Variants in ARHGAP22 observed in about 807,000 individuals in gnomAD.
ARHGAP22 encodes rho GTPase-activating protein 22.
In ARHGAP22, 48 loss-of-function variants were observed where a neutral mutation model predicts 59.1. That is an observed-to-expected ratio of 0.81 (90% CI 0.64 to 1.03). The LOEUF (loss-of-function observed/expected upper bound fraction) is 1.03. ARHGAP22 is among the 50% of genes least tolerant of loss of function. ARHGAP22 has a pLI of 0.00. For missense variants in ARHGAP22, 1,015 were observed against 958.7 expected, an observed-to-expected ratio of 1.06 and a Z score of -0.78; for synonymous variants, 445 against 416.4, an observed-to-expected ratio of 1.07 and a Z score of -0.84.
At chr10:48,549,239 C>T (rs1170041444) in intron 3 of ARHGAP22, among the ~76,000 whole-genome samples, 3 of 152,172 alleles carry the variant, frequency 2.0e-5, no homozygotes, top group African/African-American at 7.2e-5. Context: ...TGAGTCCCAG[C>T]TACTATTGAG....
At chr10:48,430,995 TATG>T in the ARHGAP22 span, 1 of 601,668 alleles carries the variant, frequency 1.7e-6, no homozygotes, top group South Asian at 2.0e-5. Flanking sequence ...TTCCTTTTAA[TATG>T]ATCCATTGTT....
chr10:48,514,644 C>T (rs186870479), intron 3 of ARHGAP22, among the ~76,000 whole-genome samples: 12 of 152,252 alleles, frequency 7.9e-5, no homozygotes, highest in African/African-American at 2.9e-4. Flanking sequence ...TTGAAATCCA[C>T]ATTAAGAAAT....
chr10:48,625,731 C>T (rs2061428201), intron 1 of ARHGAP22, among the ~76,000 whole-genome samples: 1 of 150,502 alleles, frequency 6.6e-6, no homozygotes, highest in South Asian at 2.1e-4. Context: ...CACACACACA[C>T]ACACACACCT....
chr10:48,466,729 T>A (rs2047749085), intron 4 of ARHGAP22: 1 of 148,590 alleles, frequency 6.7e-6, no homozygotes, highest in African/African-American at 2.4e-5. Context: ...CGCGCGCAGG[T>A]AGCGTCTTGC....
chr10:48,448,605 C>G (rs536989846), intron 9 of ARHGAP22, among the ~76,000 whole-genome samples: 5 of 129,156 alleles, frequency 3.9e-5, no homozygotes, highest in Non-Finnish European at 8.1e-5. Context: ...CCCCACCCCC[C>G]ACCCGATGGC....
At chr10:48,608,483 A>G (rs537910113), upstream of ARHGAP22, among the ~76,000 whole-genome samples, 2 of 152,316 alleles carry the variant, frequency 1.3e-5, no homozygotes, top group Admixed American at 1.3e-4. Context: ...CCTGTTCCAG[A>G]AGCTGCATGG....
At chr10:48,468,805 G>A (rs1423407457) in intron 4 of ARHGAP22, among the ~76,000 whole-genome samples, 1 of 152,096 alleles carries the variant, frequency 6.6e-6, no homozygotes, top group East Asian at 1.9e-4. Context: ...CTAAGTATGG[G>A]GGCTAAGGTC....
chr10:48,440,218 T>A, the ARHGAP22 span, among the ~76,000 whole-genome samples: 1 of 152,118 alleles, frequency 6.6e-6, no homozygotes, highest in Non-Finnish European at 1.5e-5. Context: ...TTAAGAAAAA[T>A]TTTTTTAGCT....
chr10:48,632,859 A>C (rs942712851), intron 1 of ARHGAP22, among the ~76,000 whole-genome samples: 1 of 152,234 alleles, frequency 6.6e-6, no homozygotes, highest in Non-Finnish European at 1.5e-5. Flanking sequence ...TAAGGATGAG[A>C]GTGAAAATGT....
Position 48,450,785 on chromosome 10 carries a change from G to T in ARHGAP22, c.1344C>A (p.Ser448=), listed in dbSNP as rs765638628. ...LSGSPKGGGS[S]LEVPIISSGG... is the part of the protein sequence containing the mutation. ...CGGAGGAGATGATGGGCACCTCCAG[G>T]GATGAGCCGCCCCCCTTCGGGCTTC... The change falls in exon 9 of 10, where the codon TCC becomes TCA. Residue 448 remains serine, a synonymous_variant. Coordinates refer to ENST00000249601, the MANE Select transcript of ARHGAP22 (RefSeq NM_021226.4). 2.5e-6 allele frequency: 4 copies of T among 1,568,700 alleles called. No individual in the cohort carries two copies. Among genetic ancestry groups the T allele is most frequent in the East Asian group, 2.3e-5 (1 of 42,792 alleles).
At chr10:48,573,297 T>C (rs543773325) in intron 2 of ARHGAP22, among the ~76,000 whole-genome samples, 16 of 152,300 alleles carry the variant, frequency 1.1e-4, no homozygotes, top group African/African-American at 2.2e-4. Flanking sequence ...TCCTATAAGA[T>C]AGGTGTGGTT....
At chr10:48,484,936 T>G (rs1458841901) in intron 3 of ARHGAP22, among the ~76,000 whole-genome samples, 2 of 152,240 alleles carry the variant, frequency 1.3e-5, no homozygotes, top group Non-Finnish European at 2.9e-5. Flanking sequence ...CTTTTTTGTT[T>G]TTGTGGTTAG....
intron 4 of ARHGAP22, among the ~76,000 whole-genome samples, chr10:48,466,229 C>A (rs1200412284): frequency 6.7e-6 from 1 of 150,366 alleles, no homozygotes; most frequent in African/African-American, 2.5e-5. Flanking sequence ...GTGTCCCCTC[C>A]GTAGTTCGGG....
intron 3 of ARHGAP22, among the ~76,000 whole-genome samples, chr10:48,491,365 A>G (rs1424758576): frequency 6.6e-6 from 1 of 152,136 alleles, no homozygotes; most frequent in Non-Finnish European, 1.5e-5. Context: ...CTTTCTTCAG[A>G]TATTACCTTC....
At chr10:48,618,035 C>T (rs1431709196) in intron 1 of ARHGAP22, among the ~76,000 whole-genome samples, 1 of 151,810 alleles carries the variant, frequency 6.6e-6, no homozygotes, top group Non-Finnish European at 1.5e-5. Flanking sequence ...TACAAATGAT[C>T]ATTAGAGATT....
Position 48,536,300 on chromosome 10 carries a change from G to A in ARHGAP22, c.322+19163C>T, listed in dbSNP as rs560585213. Among the ~76,000 whole-genome samples the A allele has an allele frequency of 8.7e-4, 132 of 152,318 alleles. 3 individuals are homozygous for A. The South Asian group carries it at 0.027, about 31-fold the overall frequency. On this transcript the variant is annotated intron_variant, in intron 3 of 9. Transcript: ENST00000249601. ...CAGCTGTATAGAAATAGGGGGTTGA[G>A]CCTGTGGAGCTGCCAGCAGGGGAAG...
chr10:48,549,224 G>C (rs2056706353), intron 3 of ARHGAP22, among the ~76,000 whole-genome samples: 1 of 152,190 alleles, frequency 6.6e-6, no homozygotes, highest in Non-Finnish European at 1.5e-5. Context: ...AGGCTGGAAG[G>C]GAGCTGAGTC....
chr10:48,558,821 A>G (rs960538014), intron 2 of ARHGAP22, among the ~76,000 whole-genome samples: 1 of 152,236 alleles, frequency 6.6e-6, no homozygotes, highest in Non-Finnish European at 1.5e-5. Context: ...TTTGAGAACC[A>G]CTAGTCTAGG....
chr10:48,635,273 C>T (rs773285028), intron 1 of ARHGAP22, among the ~76,000 whole-genome samples: 18 of 152,230 alleles, frequency 1.2e-4, no homozygotes, highest in Middle Eastern at 3.2e-3. Flanking sequence ...GACTCCCTGT[C>T]TCCTCAGGCA....
Sources: allele counts gnomAD v4.1 joint callset (sites outside exome capture counted in the v4.1 genomes callset), GRCh38; gene constraint gnomAD v4.1.1; transcripts MANE v1.5; gene names NCBI Gene and HGNC (gene_info 2026-07-23, HGNC 2026-07-21).